The following RGS17 variants were observed in gnomAD, a reference collection of about 807,000 sequenced individuals.
RGS17 encodes the protein regulator of G-protein signaling 17.
RGS17 carries 12 observed loss-of-function variants against 25.5 expected under a neutral mutation model. That is an observed-to-expected ratio of 0.47 (90% confidence interval 0.30 to 0.76). The LOEUF (loss-of-function observed/expected upper bound fraction) is 0.76, where lower values mean the gene tolerates loss of function less well. RGS17 is among the 30% of genes least tolerant of loss of function. The pLI, the probability that RGS17 is intolerant of heterozygous loss-of-function variation, is 0.07. For missense variants in RGS17, 196 were observed against 242.2 expected (o/e 0.81, Z 1.27); for synonymous variants, 71 against 76.9 (o/e 0.92, Z 0.40).
intron 1 of RGS17, among the ~76,000 whole-genome samples, chr6:153,089,233 GTATATA>G (rs1777093722): frequency 1.4e-5 from 2 of 139,584 alleles, no homozygotes; most frequent in African/African-American, 5.7e-5. Flanking sequence ...ATGTATATAT[GTATATA>G]TGTATATATA....
At chr6:153,086,323 T>C (rs573396278) in intron 1 of RGS17, among the ~76,000 whole-genome samples, 1 of 152,298 alleles carries the variant, frequency 6.6e-6, no homozygotes, top group South Asian at 2.1e-4. Flanking sequence ...ATTCTAAGTA[T>C]GAAAAAAATT....
Position 153,131,167 on chromosome 6 carries a change from G to C in RGS17, c.-69C>G, listed in dbSNP as rs1428125496. Reference sequence around the variant, plus strand: ...GGGCAGCGCGCCGATGGGTCCGGGGGAGCGGGGCTGGGCGGCTCGGTCCTC... The same window carrying C: ...GGGCAGCGCGCCGATGGGTCCGGGGCAGCGGGGCTGGGCGGCTCGGTCCTC... On this transcript the variant is annotated 5_prime_UTR_variant, in exon 1 of 5. Coordinates refer to ENST00000206262, the MANE Select transcript of RGS17 (RefSeq NM_012419.5). 6.6e-6 allele frequency: 1 copy of C among 152,236 alleles called. No individual in the cohort carries two copies. The highest frequency in any genetic ancestry group is 6.6e-5 in the Admixed American group (1 of 15,262). The allele number at this position is 152,236 out of a possible 1,614,324, so 9.4% of individuals were successfully genotyped here. A position where few individuals can be genotyped will look rare whatever the true frequency, so the allele number is the denominator to read the frequency against.
intron 1 of RGS17, among the ~76,000 whole-genome samples, chr6:153,061,952 C>A (rs1005466585): frequency 6.6e-6 from 1 of 152,154 alleles, no homozygotes; most frequent in South Asian, 2.1e-4. Flanking sequence ...TTAAACCTAG[C>A]TGATATCTAT....
At chr6:153,034,340 C>T (rs1405527785) in intron 2 of RGS17, among the ~76,000 whole-genome samples, 1 of 152,134 alleles carries the variant, frequency 6.6e-6, no homozygotes, top group Non-Finnish European at 1.5e-5. Flanking sequence ...CTGACGTATA[C>T]CTGTGCCGAT....
intron 1 of RGS17, among the ~76,000 whole-genome samples, chr6:153,123,680 G>A (rs566037366): frequency 1.3e-5 from 2 of 152,246 alleles, no homozygotes; most frequent in East Asian, 3.9e-4. Flanking sequence ...TAAACAGATT[G>A]TAATCAAAGA....
intron 1 of RGS17, among the ~76,000 whole-genome samples, chr6:153,048,487 T>A (rs1776414116): frequency 2.0e-5 from 3 of 152,206 alleles, no homozygotes; most frequent in Admixed American, 2.0e-4. Context: ...GACTCTTCCA[T>A]TCAAATCCAA....
chr6:153,103,268 T>C lies in RGS17; in HGVS notation c.-26+27856A>G, dbSNP rs778135812. ...AGGAATAATGGGCTGAGATGTTTCATATCTTTATGATGACATCTCTAGAAG... is the reference window on the plus strand; with the variant it reads ...AGGAATAATGGGCTGAGATGTTTCACATCTTTATGATGACATCTCTAGAAG... On this transcript the variant is annotated intron_variant, in intron 1 of 4. Transcript: ENST00000206262. Among the ~76,000 whole-genome samples, 75 of 152,376 alleles carry C rather than the reference T, an allele frequency of 4.9e-4. 1 individual carries two copies. The highest frequency in any genetic ancestry group is 6.8e-3 in the Middle Eastern group (2 of 294).
chr6:153,008,819 G>C lies in RGS17; in HGVS notation c.*2755C>G, dbSNP rs1170300484. 1.3e-5 allele frequency: 2 copies of C among 152,122 alleles called. No homozygotes were observed. The highest frequency in any genetic ancestry group is 4.8e-5 in the African/African-American group (2 of 41,436). 9.4% of individuals were successfully genotyped at this position (152,122 alleles called of 1,614,324 possible). A position where few individuals can be genotyped will look rare whatever the true frequency, so the allele number is the denominator to read the frequency against. On this transcript the variant is annotated 3_prime_UTR_variant, in exon 5 of 5. Transcript: ENST00000206262. ...ATGGTAGCATAGACACCAGTTGAAG[G>C]CTCTTTTGTTTATTTATAATAGCTC...
At chr6:153,020,109 A>ATATATATATATATATAT (rs1371960019) in intron 4 of RGS17, among the ~76,000 whole-genome samples, 9 of 60,880 alleles carry the variant, frequency 1.5e-4, no homozygotes, top group Admixed American at 2.3e-4. Flanking sequence ...TTAAAAAAAA[A>ATATATATATATATATAT]AAATATATAT....
intron 1 of RGS17, among the ~76,000 whole-genome samples, chr6:153,110,824 A>C (rs1777458843): frequency 6.6e-6 from 1 of 152,188 alleles, no homozygotes; most frequent in African/African-American, 2.4e-5. Flanking sequence ...TCACCAGGGA[A>C]GCGCAAGCGG....
intron 1 of RGS17, among the ~76,000 whole-genome samples, chr6:153,128,476 A>G (rs905484472): frequency 2.0e-5 from 3 of 152,172 alleles, no homozygotes; most frequent in African/African-American, 7.2e-5. Flanking sequence ...CATGTATTTT[A>G]GCAAACGGAC....
At chr6:153,037,657 C>T (rs113669120) in intron 2 of RGS17, among the ~76,000 whole-genome samples, 11,440 of 151,948 alleles carry the variant, frequency 0.075, 466 homozygotes, top group Non-Finnish European at 0.085. Flanking sequence ...AACTCCTGAC[C>T]TCGTGATCCA....
At chr6:153,074,863 GA>G (rs1776855063) in intron 1 of RGS17, among the ~76,000 whole-genome samples, 1 of 152,144 alleles carries the variant, frequency 6.6e-6, no homozygotes, top group Non-Finnish European at 1.5e-5. Flanking sequence ...AGTTTGGGAA[GA>G]AAACTAAAAT....
rs1308005185 is a variant in RGS17 at position 153,035,377 on chromosome 6, TTTGA to T, written c.119+8519_119+8522del. Among the ~76,000 whole-genome samples the T allele has an allele frequency of 3.3e-5, 5 of 152,292 alleles. No individual in the cohort carries two copies. In the East Asian group the frequency reaches 9.7e-4, roughly 29 times the overall value. On this transcript the variant is annotated intron_variant, in intron 2 of 4. Coordinates refer to ENST00000206262, the MANE Select transcript of RGS17 (RefSeq NM_012419.5). ...CAATTTCATTTTCACAAAAAGTGAA[TTTGA>T]TTGTCTTATCTGACAAAAACAGAAC...
intron 1 of RGS17, among the ~76,000 whole-genome samples, chr6:153,085,870 A>T (rs1777046509): frequency 6.6e-6 from 1 of 152,174 alleles, no homozygotes; most frequent in Non-Finnish European, 1.5e-5. Flanking sequence ...TGCAGATTTA[A>T]ATGACTTTAT....
At chr6:153,041,135 A>C (rs2129109920) in intron 2 of RGS17, among the ~76,000 whole-genome samples, 1 of 152,306 alleles carries the variant, frequency 6.6e-6, no homozygotes, top group African/African-American at 2.4e-5. Flanking sequence ...ACTGCAATCA[A>C]GCCTGCATGA....
At chr6:153,062,631 A>T (rs1301529762) in intron 1 of RGS17, among the ~76,000 whole-genome samples, 1 of 152,084 alleles carries the variant, frequency 6.6e-6, no homozygotes. Flanking sequence ...GGGGCACGTG[A>T]CCTATCAAGA....
chr6:153,084,306 T>C (rs774083914), intron 1 of RGS17, among the ~76,000 whole-genome samples: 8 of 152,226 alleles, frequency 5.3e-5, no homozygotes, highest in African/African-American at 9.6e-5. Flanking sequence ...CTTAGAGACC[T>C]GGGTGCTACA....
intron 2 of RGS17, among the ~76,000 whole-genome samples, chr6:153,041,578 G>T (rs1776321255): frequency 1.3e-5 from 2 of 152,152 alleles, no homozygotes; most frequent in Admixed American, 6.5e-5. Flanking sequence ...ATAGCACAAA[G>T]AAACTTCAGT....
Sources: allele counts gnomAD v4.1 joint callset (sites outside exome capture counted in the v4.1 genomes callset), GRCh38; gene constraint gnomAD v4.1.1; transcripts MANE v1.5; gene names NCBI Gene and HGNC (gene_info 2026-07-23, HGNC 2026-07-21).